The following STPG2 variants were observed in gnomAD, a reference collection of about 807,000 sequenced individuals.
STPG2 encodes the protein sperm-tail PG-rich repeat-containing protein 2.
In STPG2, 56 loss-of-function variants were observed where a neutral mutation model predicts 54.2. The ratio of observed to expected loss-of-function variants is 1.03; its 90% CI spans 0.83 to 1.29. STPG2 has a LOEUF of 1.29. STPG2 is among the 50% of genes most tolerant of loss of function. The probability of loss-of-function intolerance (pLI) is 0.00; values close to 1 mark genes in which losing one functional copy is unlikely to be tolerated. For missense variants in STPG2, 596 were observed against 544.9 expected, an observed-to-expected ratio of 1.09 and a Z score of -0.93; for synonymous variants, 200 against 181.8, an observed-to-expected ratio of 1.10 and a Z score of -0.81.
At chr4:97,775,612 G>C (rs1726352505) in intron 9 of STPG2, among the ~76,000 whole-genome samples, 1 of 152,086 alleles carries the variant, frequency 6.6e-6, no homozygotes. Flanking sequence ...TGTCTAAATT[G>C]TTAGTTGGAG....
chr4:97,509,059 CAG>C (rs1365058951), intron 4 of STPG2, among the ~76,000 whole-genome samples: 1 of 152,088 alleles, frequency 6.6e-6, no homozygotes, highest in Non-Finnish European at 1.5e-5. Flanking sequence ...CCAATGTACT[CAG>C]AGCTAAATTC....
chr4:97,983,331 T>C (rs1393111180), intron 5 of STPG2, among the ~76,000 whole-genome samples: 2 of 152,230 alleles, frequency 1.3e-5, no homozygotes, highest in Non-Finnish European at 2.9e-5. Context: ...TATTTGACTA[T>C]GTTATTGGTA....
At chr4:97,690,986 C>T (rs945342962) in intron 10 of STPG2, among the ~76,000 whole-genome samples, 12 of 152,112 alleles carry the variant, frequency 7.9e-5, no homozygotes, top group Non-Finnish European at 1.0e-4. Flanking sequence ...TTATTGCACC[C>T]GAGTGTCAAT....
chr4:97,792,961 G>C (rs750794564), intron 9 of STPG2, among the ~76,000 whole-genome samples: 2 of 151,990 alleles, frequency 1.3e-5, no homozygotes, highest in Non-Finnish European at 2.9e-5. Context: ...AGACCAGCCT[G>C]GCCAACATGG....
chr4:97,609,765 A>G (rs921468843), intron 10 of STPG2, among the ~76,000 whole-genome samples: 5 of 152,032 alleles, frequency 3.3e-5, no homozygotes, highest in African/African-American at 9.7e-5. Flanking sequence ...AGGATCACAA[A>G]TATAATTCAG....
chr4:97,703,778 G>A (rs1723861188), intron 10 of STPG2, among the ~76,000 whole-genome samples: 1 of 146,230 alleles, frequency 6.8e-6, no homozygotes, highest in Non-Finnish European at 1.5e-5. Context: ...GTATATTTGT[G>A]TGTGTGTGTA....
intron 10 of STPG2, among the ~76,000 whole-genome samples, chr4:97,601,675 G>A (rs533500952): frequency 9.2e-5 from 14 of 151,924 alleles, no homozygotes; most frequent in Non-Finnish European, 1.9e-4. Flanking sequence ...TCTGTTTTGA[G>A]GAATTCTATT....
chr4:97,443,164 T>C (rs1578301577), intron 4 of STPG2, among the ~76,000 whole-genome samples: 1 of 152,282 alleles, frequency 6.6e-6, no homozygotes, highest in Non-Finnish European at 1.5e-5. Flanking sequence ...GCAGGTGTAA[T>C]ACTGAAGTGA....
chr4:97,765,487 A>G (rs1726014962), intron 9 of STPG2, among the ~76,000 whole-genome samples: 1 of 152,156 alleles, frequency 6.6e-6, no homozygotes, highest in Non-Finnish European at 1.5e-5. Context: ...AGCTTAAAAA[A>G]TATGTAAAAG....
chr4:97,973,638 G>C (rs1321151384), intron 6 of STPG2, among the ~76,000 whole-genome samples: 2 of 152,196 alleles, frequency 1.3e-5, no homozygotes, highest in Non-Finnish European at 2.9e-5. Flanking sequence ...GGAGGAAAAA[G>C]TGATTTTGTG....
At chr4:97,726,893 C>T (rs1004645826) in intron 9 of STPG2, among the ~76,000 whole-genome samples, 2 of 151,570 alleles carry the variant, frequency 1.3e-5, no homozygotes, top group African/African-American at 2.4e-5. Context: ...CAAGAGGCCT[C>T]CTCCAACTGA....
intron 9 of STPG2, among the ~76,000 whole-genome samples, chr4:97,755,376 T>C (rs1332281669): frequency 2.0e-5 from 3 of 152,198 alleles, no homozygotes; most frequent in Non-Finnish European, 2.9e-5. Flanking sequence ...GAGGGAAAAC[T>C]GTGCTCTTTT....
chr4:98,022,624 G>T (rs377737071), intron 5 of STPG2, among the ~76,000 whole-genome samples: 1 of 151,976 alleles, frequency 6.6e-6, no homozygotes, highest in Admixed American at 6.6e-5. Flanking sequence ...TTCCAACTTG[G>T]TTCCATTTTC....
intron 10 of STPG2, among the ~76,000 whole-genome samples, chr4:97,582,108 C>A (rs1039030450): frequency 6.6e-6 from 1 of 151,926 alleles, no homozygotes; most frequent in African/African-American, 2.4e-5. Flanking sequence ...CCTGGAACCA[C>A]CCCCTCTGCC....
intron 9 of STPG2, among the ~76,000 whole-genome samples, chr4:97,724,902 A>C (rs760874312): frequency 6.6e-6 from 1 of 152,136 alleles, no homozygotes; most frequent in Non-Finnish European, 1.5e-5. Flanking sequence ...AAAATTGCTT[A>C]TGCAGGTCTT....
intron 4 of STPG2, among the ~76,000 whole-genome samples, chr4:97,471,858 T>C (rs771547313): frequency 8.5e-5 from 13 of 152,188 alleles, no homozygotes; most frequent in Non-Finnish European, 1.6e-4. Context: ...AGTAATGCTA[T>C]TCCTTCAGTT....
intron 5 of STPG2, among the ~76,000 whole-genome samples, chr4:98,062,217 G>A (rs13110683): frequency 6.6e-6 from 1 of 152,018 alleles, no homozygotes; most frequent in African/African-American, 2.4e-5. Flanking sequence ...AATACCATGT[G>A]TTCTCACGTA....
chr4:98,096,562 C>A (rs955511194), intron 5 of STPG2, among the ~76,000 whole-genome samples: 2 of 151,752 alleles, frequency 1.3e-5, no homozygotes, highest in Admixed American at 6.6e-5. Context: ...TCTTCAAGAA[C>A]TAAAATGGCA....
chr4:97,769,663 T>C (rs1049778418), intron 9 of STPG2, among the ~76,000 whole-genome samples: 3 of 152,008 alleles, frequency 2.0e-5, no homozygotes, highest in Non-Finnish European at 2.9e-5. Flanking sequence ...TATATATATA[T>C]AGAAAACACA....
Sources: gnomAD v4.1 joint callset for allele counts (sites outside exome capture counted in the v4.1 genomes callset) on GRCh38, gnomAD v4.1.1 for gene constraint, MANE v1.5 for transcripts, NCBI Gene and HGNC (gene_info 2026-07-23, HGNC 2026-07-21) for gene names.